The following MKLN1 variants were observed in gnomAD, a reference collection of about 807,000 sequenced individuals.
MKLN1 encodes muskelin 1.
In MKLN1, 18 loss-of-function variants were observed where a neutral mutation model predicts 99.0. The ratio of observed to expected loss-of-function variants is 0.18; its 90% CI spans 0.13 to 0.27. The LOEUF is 0.27. Ranked by LOEUF, MKLN1 falls within the 10% of genes least tolerant of loss-of-function variation. The pLI is 1.00. For synonymous variants in MKLN1, 288 were observed against 293.2 expected, an observed-to-expected ratio of 0.98 and a Z score of 0.18; for missense variants, 621 against 875.9, an observed-to-expected ratio of 0.71 and a Z score of 3.67.
At chr7:131,475,540 G>A (rs972949782) in intron 16 of MKLN1, among the ~76,000 whole-genome samples, 3 of 152,216 alleles carry the variant, frequency 2.0e-5, no homozygotes, top group Admixed American at 6.5e-5. Flanking sequence ...GAAGCTGGGC[G>A]TGGTGGCTCA....
At chr7:131,319,688 A>G (rs559118531) in intron 3 of MKLN1, among the ~76,000 whole-genome samples, 1 of 152,362 alleles carries the variant, frequency 6.6e-6, no homozygotes, top group African/African-American at 2.4e-5. Flanking sequence ...TTATATATTT[A>G]GAAAACCCAT....
At chr7:131,188,841 C>T (rs1796490941) in intron 2 of MKLN1, among the ~76,000 whole-genome samples, 1 of 152,168 alleles carries the variant, frequency 6.6e-6, no homozygotes, top group African/African-American at 2.4e-5. Context: ...TCTCTGTGGT[C>T]TAAAGCGGAA....
intron 2 of MKLN1, among the ~76,000 whole-genome samples, chr7:131,159,856 T>C (rs1796021447): frequency 1.3e-5 from 2 of 152,152 alleles, no homozygotes; most frequent in Admixed American, 1.3e-4. Flanking sequence ...ATGTTAACTA[T>C]CTGAATCCTC....
chr7:131,393,683 G>A (rs1286316773), intron 4 of MKLN1, among the ~76,000 whole-genome samples: 1 of 152,078 alleles, frequency 6.6e-6, no homozygotes, highest in Non-Finnish European at 1.5e-5. Context: ...CTAGAATTTA[G>A]TAGTGTGGTC....
At chr7:131,208,329 C>T (rs1204784880) in intron 3 of MKLN1, among the ~76,000 whole-genome samples, 3 of 152,204 alleles carry the variant, frequency 2.0e-5, no homozygotes, top group Admixed American at 6.5e-5. Context: ...CATGGTGGCT[C>T]ACACCTGTAA....
chr7:131,457,869 C>T (rs773474039), intron 12 of MKLN1, among the ~76,000 whole-genome samples: 6 of 151,776 alleles, frequency 4.0e-5, no homozygotes, highest in East Asian at 1.9e-4. Flanking sequence ...GAGCTGAGAT[C>T]GTGCCACTGG....
At chr7:131,189,542 A>C (rs2116378813) in intron 2 of MKLN1, among the ~76,000 whole-genome samples, 1 of 131,244 alleles carries the variant, frequency 7.6e-6, no homozygotes, top group East Asian at 2.9e-4. Context: ...AAACAAAAAA[A>C]AAAACACAAA....
At position 131,458,044 on chromosome 7, in the gene MKLN1, C is replaced by T. The variant is rs561324417; in HGVS notation, c.1526-5173C>T. Among the ~76,000 whole-genome samples, 8 of 152,136 alleles carry T rather than the reference C, an allele frequency of 5.3e-5. No individual in the cohort carries two copies. The South Asian group carries it at 8.3e-4, about 16-fold the overall frequency. On this transcript the variant is annotated intron_variant, in intron 12 of 17. Transcript: ENST00000352689. Reference sequence around the variant, plus strand: ...ACCAAATAGAACAAATAAGGGAAAGCGTTATACCTAAGCAGATTAAAGTAG... The same window carrying T: ...ACCAAATAGAACAAATAAGGGAAAGTGTTATACCTAAGCAGATTAAAGTAG...
chr7:131,384,076 C>G (rs1742890347), intron 2 of MKLN1, among the ~76,000 whole-genome samples: 1 of 152,130 alleles, frequency 6.6e-6, no homozygotes, highest in African/African-American at 2.4e-5. Context: ...TCATTTTCAA[C>G]ACATACCATT....
chr7:131,227,455 CTTTG>C (rs1372703539), intron 3 of MKLN1, among the ~76,000 whole-genome samples: 1 of 141,100 alleles, frequency 7.1e-6, no homozygotes, highest in Non-Finnish European at 1.5e-5. Flanking sequence ...CTTTTCTCTT[CTTTG>C]TTTCTTTCTT....
chr7:131,456,476 T>C (rs968597301), intron 12 of MKLN1, among the ~76,000 whole-genome samples: 7 of 152,078 alleles, frequency 4.6e-5, no homozygotes, highest in Non-Finnish European at 1.0e-4. Context: ...TTCAGTTAAT[T>C]TTTACCCTTT....
chr7:131,296,177 G>A (rs914674980), intron 3 of MKLN1, among the ~76,000 whole-genome samples: 1 of 152,072 alleles, frequency 6.6e-6, no homozygotes, highest in African/African-American at 2.4e-5. Flanking sequence ...AGTCATACAA[G>A]TCCCCAATGA....
rs1799980384 is a variant in MKLN1, at chr7:131,359,923, A to G, written c.99-15501A>G. Among the ~76,000 whole-genome samples the G allele has an allele frequency of 2.0e-5, 3 of 151,912 alleles. No individual in the cohort carries two copies. The South Asian group carries it at 6.3e-4, about 32-fold the overall frequency. Reference sequence around the variant, plus strand: ...TAATTTTTGTATTTTTAGTAGAGGTAAAATTAAAACATGTACTTTTTTACC... The same window carrying G: ...TAATTTTTGTATTTTTAGTAGAGGTGAAATTAAAACATGTACTTTTTTACC... On this transcript the variant is annotated intron_variant, in intron 1 of 17. Coordinates refer to ENST00000352689, the MANE Select transcript of MKLN1 (RefSeq NM_013255.5).
Position 131,361,967 on chromosome 7 carries a change from A to G in MKLN1, c.99-13457A>G, listed in dbSNP as rs142726519. Among the ~76,000 whole-genome samples the G allele has an allele frequency of 3.4e-4, 51 of 152,164 alleles. 1 individual carries two copies. The East Asian group carries it at 9.1e-3, about 27-fold the overall frequency. On this transcript the variant is annotated intron_variant, in intron 1 of 17. Transcript: ENST00000352689. ...TTCTCAAATCATTTCTTCAGTATGT[A>G]TAGTTTATTCATTAGTAGTTTTCTC...
At chr7:131,363,996 A>G (rs752046750) in intron 1 of MKLN1, among the ~76,000 whole-genome samples, 2 of 152,106 alleles carry the variant, frequency 1.3e-5, no homozygotes, top group African/African-American at 2.4e-5. Context: ...AGTAACTCCA[A>G]CAAATAGTAA....
intron 2 of MKLN1, among the ~76,000 whole-genome samples, chr7:131,156,058 T>C (rs1795958260): frequency 6.6e-6 from 1 of 152,160 alleles, no homozygotes; most frequent in Non-Finnish European, 1.5e-5. Context: ...TTATGGGTTT[T>C]CCAATACTTA....
At chr7:131,110,846 C>CCCG (rs1484659102) in intron 1 of MKLN1, among the ~76,000 whole-genome samples, 1 of 152,230 alleles carries the variant, frequency 6.6e-6, no homozygotes, top group Non-Finnish European at 1.5e-5. Context: ...AACTGCCCAT[C>CCCG]CCGCTTCTCT....
chr7:131,258,274 A>G (rs1454691397), intron 3 of MKLN1, among the ~76,000 whole-genome samples: 1 of 151,682 alleles, frequency 6.6e-6, no homozygotes, highest in Non-Finnish European at 1.5e-5. Context: ...CTCCTCTTGC[A>G]GAATTGGAAA....
At chr7:131,308,888 G>A (rs988289277) in intron 3 of MKLN1, among the ~76,000 whole-genome samples, 1 of 152,094 alleles carries the variant, frequency 6.6e-6, no homozygotes, top group Non-Finnish European at 1.5e-5. Flanking sequence ...CCCAACCTAG[G>A]TAGTTCCTTA....
Sources: allele counts gnomAD v4.1 joint callset (sites outside exome capture counted in the v4.1 genomes callset), GRCh38; gene constraint gnomAD v4.1.1; transcripts MANE v1.5; gene names NCBI Gene and HGNC (gene_info 2026-07-23, HGNC 2026-07-21).